The following HTT variants were observed in gnomAD, a reference collection of about 807,000 sequenced individuals.
HTT encodes huntingtin.
Under a neutral mutation model 362.3 loss-of-function variants are expected in HTT, and 104 were observed. That is an observed-to-expected ratio of 0.29 (90% CI 0.24 to 0.34). HTT has a LOEUF of 0.34. Among genes scored for constraint, HTT ranks in the 10% least tolerant of loss-of-function variants. The pLI is 1.00. For missense variants in HTT, 3,301 were observed against 3,928.6 expected, an observed-to-expected ratio of 0.84 and a Z score of 4.27; for synonymous variants, 1,577 against 1,548.7, an observed-to-expected ratio of 1.02 and a Z score of -0.43.
intron 39 of HTT, chr4:3,188,182 G>C (rs1718854717): frequency 3.8e-6 from 1 of 262,834 alleles, no homozygotes; most frequent in Non-Finnish European, 7.3e-6. Context: ...GGCAGTAGGG[G>C]CACGCTGACG....
intron 41 of HTT, among the ~76,000 whole-genome samples, chr4:3,201,822 A>C (rs1015921519): frequency 6.6e-6 from 1 of 152,198 alleles, no homozygotes; most frequent in Non-Finnish European, 1.5e-5. Flanking sequence ...CCATGAGATG[A>C]GAAAAATGAA....
intron 1 of HTT, among the ~76,000 whole-genome samples, chr4:3,081,540 G>GA (rs1712897208): frequency 6.7e-6 from 1 of 149,054 alleles, no homozygotes; most frequent in Admixed American, 6.7e-5. Context: ...ACCACATTTG[G>GA]AAAGCATTTC....
At chr4:3,093,117 T>C (rs1713605045) in intron 2 of HTT, among the ~76,000 whole-genome samples, 1 of 152,172 alleles carries the variant, frequency 6.6e-6, no homozygotes. Flanking sequence ...CTCAGTACCC[T>C]GTCATGTGTG....
chr4:3,195,653 G>A (rs1719215445), intron 40 of HTT, among the ~76,000 whole-genome samples: 1 of 152,030 alleles, frequency 6.6e-6, no homozygotes, highest in Non-Finnish European at 1.5e-5. Flanking sequence ...GGTAATGGTA[G>A]CTACTGTAAC....
chr4:3,188,859 T>A, intron 39 of HTT, 92 bp from the exon 40 acceptor site: 5 of 1,267,224 alleles, frequency 3.9e-6, no homozygotes, highest in Non-Finnish European at 5.6e-6. Flanking sequence ...TATTTTTACT[T>A]TATATTTACC....
intron 26 of HTT, among the ~76,000 whole-genome samples, chr4:3,150,692 G>A (rs1383492607): frequency 2.0e-5 from 3 of 152,178 alleles, no homozygotes; most frequent in Non-Finnish European, 4.4e-5. Context: ...TCACATACAT[G>A]TACATGCACA....
intron 60 of HTT, among the ~76,000 whole-genome samples, chr4:3,231,577 G>A (rs1328700913): frequency 6.6e-6 from 1 of 152,120 alleles, no homozygotes; most frequent in Non-Finnish European, 1.5e-5. Flanking sequence ...TGTCCTCCCC[G>A]AGCCCAAACG....
chr4:3,178,192 A>ATG (rs1718326317), intron 34 of HTT, 106 bp from the exon 35 acceptor site: 3 of 851,346 alleles, frequency 3.5e-6, no homozygotes, highest in Non-Finnish European at 5.7e-6. Context: ...TGTTAGCTTG[A>ATG]TGTGTGCTTG....
intron 19 of HTT, 87 bp from the exon 20 acceptor site, chr4:3,135,817 C>G (rs939486086): frequency 1.5e-5 from 15 of 1,016,460 alleles, no homozygotes; most frequent in African/African-American, 1.2e-4. Flanking sequence ...TCCAGGGCAC[C>G]TGGATGAGCC....
At chr4:3,094,110 G>T (rs1713682561) in intron 2 of HTT, among the ~76,000 whole-genome samples, 1 of 151,624 alleles carries the variant, frequency 6.6e-6, no homozygotes. Flanking sequence ...TTAGGGAGTG[G>T]TGATGACTCT....
At chr4:3,215,574 T>C (rs979619371) in intron 51 of HTT, among the ~76,000 whole-genome samples, 5 of 152,214 alleles carry the variant, frequency 3.3e-5, no homozygotes, top group African/African-American at 1.2e-4. Flanking sequence ...ATGCTCGGCC[T>C]CTGGTCAGCA....
In HTT at chr4:3,145,223, C is replaced by T; in HGVS notation, c.3138C>T (p.His1046=). Residue 1046 remains histidine (H), a synonymous_variant, in exon 24 of 67, where the codon CAC becomes CAT. Coordinates refer to ENST00000355072, the MANE Select transcript of HTT (RefSeq NM_001388492.1). ...TTTGCATTTGGAGTTTAGGTTGGCA[C>T]TGTGGGTATGTATTTTCCTCAGTAT... ...FPVCIWSLGW[H]CGVPPLSASD... 2 of 1,606,656 alleles carry T rather than the reference C, an allele frequency of 1.2e-6. No homozygotes were observed. The highest frequency in any genetic ancestry group is 1.7e-6 in the Non-Finnish European group (2 of 1,173,220).
chr4:3,108,495 C>T (rs1360949722), intron 6 of HTT, among the ~76,000 whole-genome samples: 1 of 152,182 alleles, frequency 6.6e-6, no homozygotes, highest in Admixed American at 6.5e-5. Context: ...AGCTCCACAG[C>T]GCCAGTTTGC....
At chr4:3,229,090 G>A (rs1295849355) in intron 59 of HTT, 81 bp downstream of exon 59, 29 of 1,332,350 alleles carry the variant, frequency 2.2e-5, no homozygotes, top group East Asian at 2.1e-4. Flanking sequence ...CACACACACC[G>A]CCCACACACA....
chr4:3,108,128 A>T (rs1430105972), intron 6 of HTT, among the ~76,000 whole-genome samples: 1 of 152,204 alleles, frequency 6.6e-6, no homozygotes, highest in East Asian at 1.9e-4. Context: ...CCTTAATGGG[A>T]CCCATATAGG....
At chr4:3,084,786 G>T (rs887639638) in intron 1 of HTT, among the ~76,000 whole-genome samples, 3 of 151,956 alleles carry the variant, frequency 2.0e-5, no homozygotes, top group Non-Finnish European at 2.9e-5. Flanking sequence ...GGCCGAGATG[G>T]GCAGATCACG....
rs1936032 is a variant in HTT at position 3,115,441 on chromosome 4, C to G, written c.885C>G (p.Leu295=). ...TCTATAGTTGGCTACTAAATGTGCT[C>G]TTAGGTAAGGTGGAGGCATATGAGT... ...QYFYSWLLNV[L]LGLLVPVEDE... is the part of the protein sequence containing the mutation. The change falls in exon 7 of 67, where the codon CTC becomes CTG. Residue 295 remains leucine, a synonymous_variant. Coordinates refer to ENST00000355072, the MANE Select transcript of HTT (RefSeq NM_001388492.1). 50,798 of 1,612,244 alleles carry G rather than the reference C, an allele frequency of 0.032. 1,119 individuals are homozygous for G. Among genetic ancestry groups the G allele is most frequent in the African/African-American group, 0.1 (7,722 of 74,948 alleles).
chr4:3,212,754 A>G (rs1270306996), intron 49 of HTT, 45 bp downstream of exon 49: 3 of 1,607,716 alleles, frequency 1.9e-6, no homozygotes, highest in African/African-American at 2.7e-5. Flanking sequence ...GGGAGGGGGC[A>G]TGGGGCTGAC....
chr4:3,138,015 T>C (rs182145448), intron 21 of HTT, among the ~76,000 whole-genome samples: 1 of 152,294 alleles, frequency 6.6e-6, no homozygotes, highest in African/African-American at 2.4e-5. Flanking sequence ...AGTGGATTTT[T>C]AAATAATTTT....
Sources: allele counts gnomAD v4.1 joint callset (sites outside exome capture counted in the v4.1 genomes callset), GRCh38; gene constraint gnomAD v4.1.1; transcripts MANE v1.5; gene names NCBI Gene and HGNC (gene_info 2026-07-23, HGNC 2026-07-21).